TTLL1: variants seen among roughly 807,000 people sequenced by gnomAD.
The protein encoded by TTLL1 is TTL family tubulin polyglutamylase complex subunit L1.
TTLL1 carries 33 observed loss-of-function variants against 47.8 expected under a neutral mutation model. That is an observed-to-expected ratio of 0.69 (90% CI 0.52 to 0.92). The LOEUF (loss-of-function observed/expected upper bound fraction) is 0.92. Among genes scored for constraint, TTLL1 ranks in the 40% least tolerant of loss-of-function variants. TTLL1 has a pLI of 0.00. For missense variants in TTLL1, 488 were observed against 547.5 expected (o/e 0.89, Z 1.08); for synonymous variants, 225 against 214.1 (o/e 1.05, Z -0.45).
At chr22:43,070,210 G>T (rs773494274) in intron 3 of TTLL1, 3 of 1,333,608 alleles carry the variant, frequency 2.2e-6, no homozygotes, top group Non-Finnish European at 3.0e-6. Flanking sequence ...ATTTAAACAG[G>T]ATCTGTACCG....
At chr22:43,088,996 G>A (rs963744527) in intron 1 of TTLL1, among the ~76,000 whole-genome samples, 1 of 152,138 alleles carries the variant, frequency 6.6e-6, no homozygotes, top group Admixed American at 6.6e-5. Context: ...AAACGTGTAG[G>A]AACAATGAAA....
chr22:43,071,618 C>T (rs1928129847), intron 3 of TTLL1, among the ~76,000 whole-genome samples: 1 of 152,200 alleles, frequency 6.6e-6, no homozygotes, highest in Non-Finnish European at 1.5e-5. Flanking sequence ...CCACGTTGGC[C>T]AGGCTGGTCT....
intron 1 of TTLL1, among the ~76,000 whole-genome samples, chr22:43,080,902 CTTT>C (rs10529079): frequency 6.5e-4 from 45 of 69,276 alleles, no homozygotes; most frequent in African/African-American, 2.0e-3. Context: ...TGTTGCATGA[CTTT>C]TTTTTTTTTT....
At chr22:43,065,837 C>G (rs1339910027) in intron 5 of TTLL1, among the ~76,000 whole-genome samples, 2 of 152,050 alleles carry the variant, frequency 1.3e-5, no homozygotes, top group Admixed American at 6.6e-5. Flanking sequence ...AAAAAAATCT[C>G]TGTATCTTCT....
intron 9 of TTLL1, among the ~76,000 whole-genome samples, chr22:43,050,075 CGACA>C (rs1926492434): frequency 7.0e-6 from 1 of 143,754 alleles, no homozygotes; most frequent in East Asian, 2.1e-4. Flanking sequence ...CCAGCCTAGG[CGACA>C]GAGTGAGACT....
chr22:43,062,353 T>A (rs902408094), intron 7 of TTLL1, among the ~76,000 whole-genome samples: 1 of 151,544 alleles, frequency 6.6e-6, no homozygotes, highest in Non-Finnish European at 1.5e-5. Context: ...TAGCTGGGCG[T>A]GGTGGCGCAC....
intron 1 of TTLL1, among the ~76,000 whole-genome samples, chr22:43,086,681 G>A (rs1021420028): frequency 6.6e-6 from 1 of 152,126 alleles, no homozygotes; most frequent in African/African-American, 2.4e-5. Flanking sequence ...GGAAGGGATG[G>A]TTAATTTGAT....
At chr22:43,070,787 G>A (rs190895667) in intron 3 of TTLL1, among the ~76,000 whole-genome samples, 1 of 152,106 alleles carries the variant, frequency 6.6e-6, no homozygotes, top group African/African-American at 2.4e-5. Flanking sequence ...CCAATTCCCA[G>A]ACATCATATT....
chr22:43,078,614 TCCACACAGC>T (rs1928664457), intron 2 of TTLL1, among the ~76,000 whole-genome samples: 1 of 152,028 alleles, frequency 6.6e-6, no homozygotes, highest in African/African-American at 2.4e-5. Context: ...GCCGCCTCTC[TCCACACAGC>T]CCATCACTTC....
intron 8 of TTLL1, 41 bp downstream of exon 8, chr22:43,059,343 C>T (rs200056695): frequency 4.9e-4 from 774 of 1,581,720 alleles, no homozygotes; most frequent in Non-Finnish European, 6.2e-4. Context: ...CACTCCCAAA[C>T]GGGCCCTGGG....
chr22:43,053,184 G>A (rs1479099249), intron 8 of TTLL1, among the ~76,000 whole-genome samples: 1 of 152,106 alleles, frequency 6.6e-6, no homozygotes, highest in African/African-American at 2.4e-5. Context: ...AGTTTTACAG[G>A]CTCCTCAGAG....
chr22:43,046,530 C>T lies in TTLL1; in HGVS notation c.1022G>A (p.Arg341Gln). 6.2e-7 allele frequency: 1 copy of T among 1,614,114 alleles called. No homozygotes were observed. Among genetic ancestry groups the T allele is most frequent in the Non-Finnish European group, 8.5e-7 (1 of 1,180,036 alleles). ...ATTAATCAGGTTGTACTTGAGGATTCGGTCATTGGCAGTGCTGGACGTGAG... is the reference window on the plus strand; with the variant it reads ...ATTAATCAGGTTGTACTTGAGGATTTGGTCATTGGCAGTGCTGGACGTGAG... ...PSLTSSTAND[R>Q]ILKYNLINDT... The change falls in exon 10 of 11, where the codon CGA becomes CAA. Residue 341 changes from arginine (R) to glutamine (Q), a missense_variant. Physicochemically the swap from Arg to Gln is conservative, Grantham distance 43. Coordinates refer to ENST00000266254, the MANE Select transcript of TTLL1 (RefSeq NM_012263.5).
At chr22:43,081,532 AT>A (rs1048389025) in intron 1 of TTLL1, among the ~76,000 whole-genome samples, 4 of 150,452 alleles carry the variant, frequency 2.7e-5, no homozygotes, top group Admixed American at 6.6e-5. Context: ...CACCCCTTCC[AT>A]TTTTTTTTAA....
intron 1 of TTLL1, among the ~76,000 whole-genome samples, chr22:43,088,253 T>TG (rs550833611): frequency 2.7e-5 from 4 of 149,718 alleles, no homozygotes; most frequent in Admixed American, 1.3e-4. Context: ...ACGCCCGCAC[T>TG]GGGTGACAGT....
rs941163876 is a variant in TTLL1 at position 43,046,706 on chromosome 22, G to A, written c.979-133C>T. The A allele has an allele frequency of 4.7e-6, 5 of 1,073,638 alleles. No homozygotes were observed. In the African/African-American group the frequency reaches 6.4e-5, roughly 14 times the overall value. 66.5% of individuals were successfully genotyped at this position (1,073,638 alleles called of 1,614,324 possible). A position where few individuals can be genotyped will look rare whatever the true frequency, so the allele number is the denominator to read the frequency against. On this transcript the variant is annotated intron_variant, in intron 9 of 10. Transcript: ENST00000266254. ...TTTTTTGAGACAGAGTTTCGCTCTT[G>A]TTGCCCAGGCTGGAGTGCAGTGGCG...
chr22:43,075,437 C>T (rs770146740), intron 3 of TTLL1, 37 bp downstream of exon 3: 2 of 1,571,894 alleles, frequency 1.3e-6, no homozygotes, highest in Admixed American at 1.7e-5. Flanking sequence ...ATACGTAAGC[C>T]TCAGAGAAAC....
intron 1 of TTLL1, among the ~76,000 whole-genome samples, chr22:43,085,609 TC>T (rs1247597008): frequency 3.9e-5 from 6 of 152,224 alleles, no homozygotes; most frequent in African/African-American, 1.4e-4. Context: ...TCTTCCTTCA[TC>T]TTCCGCCATG....
At chr22:43,070,416 C>A (rs114957020) in intron 3 of TTLL1, among the ~76,000 whole-genome samples, 2 of 152,098 alleles carry the variant, frequency 1.3e-5, no homozygotes, top group African/African-American at 4.8e-5. Flanking sequence ...CTCACCAACC[C>A]CCAGAGAAGC....
rs143169233 is a variant in TTLL1, at chr22:43,068,761, A to G, written c.323-171T>C. Among the ~76,000 whole-genome samples, 1,489 of 149,784 alleles carry G rather than the reference A, an allele frequency of 9.9e-3. 33 individuals are homozygous for G. Among genetic ancestry groups the G allele is most frequent in the African/African-American group, 0.037 (1,452 of 39,238 alleles). Reference sequence around the variant, plus strand: ...GCACAATCCCTGGGCAACACTCACAAGTTACATTTATAGAGCCTACCTAAG... The same window carrying G: ...GCACAATCCCTGGGCAACACTCACAGGTTACATTTATAGAGCCTACCTAAG... On this transcript the variant is annotated intron_variant, in intron 4 of 10. Transcript: ENST00000266254.
Sources: gnomAD v4.1 joint callset for allele counts (sites outside exome capture counted in the v4.1 genomes callset) on GRCh38, gnomAD v4.1.1 for gene constraint, MANE v1.5 for transcripts, NCBI Gene and HGNC (gene_info 2026-07-23, HGNC 2026-07-21) for gene names.